The following CDH13 variants were observed in gnomAD, a reference collection of about 807,000 sequenced individuals.
CDH13 encodes the protein cadherin 13, also known as cadherin-13.
CDH13 carries 24 observed loss-of-function variants against 63.8 expected under a neutral mutation model. The ratio of observed to expected loss-of-function variants is 0.38; its 90% CI spans 0.27 to 0.53. The LOEUF is 0.53. Ranked by LOEUF, CDH13 falls within the 20% of genes least tolerant of loss-of-function variation. The probability of loss-of-function intolerance (pLI) is 0.85; values close to 1 mark genes in which losing one functional copy is unlikely to be tolerated. For synonymous variants in CDH13, 503 were observed against 355.3 expected, an observed-to-expected ratio of 1.42 and a Z score of -4.67; for missense variants, 1,049 against 903.1, an observed-to-expected ratio of 1.16 and a Z score of -2.07.
chr16:83,068,084 G>A (rs1339723729), intron 3 of CDH13, among the ~76,000 whole-genome samples: 1 of 152,150 alleles, frequency 6.6e-6, no homozygotes, highest in Non-Finnish European at 1.5e-5. Context: ...GGAGGACTTG[G>A]CAAAACAAGG....
At chr16:82,790,213 G>C (rs972896405) in intron 1 of CDH13, among the ~76,000 whole-genome samples, 4 of 152,126 alleles carry the variant, frequency 2.6e-5, no homozygotes, top group African/African-American at 9.7e-5. Context: ...GAGGCAGGCA[G>C]ATCATGAGGT....
chr16:82,713,626 G>A (rs990413149), intron 1 of CDH13, among the ~76,000 whole-genome samples: 1 of 152,040 alleles, frequency 6.6e-6, no homozygotes, highest in Non-Finnish European at 1.5e-5. Flanking sequence ...CTTGTACATA[G>A]AATATTGTCT....
chr16:83,630,580 G>A (rs1365923442), intron 8 of CDH13, among the ~76,000 whole-genome samples: 1 of 152,148 alleles, frequency 6.6e-6, no homozygotes, highest in African/African-American at 2.4e-5. Context: ...AGTCACTTAT[G>A]TCTTAGTCTA....
chr16:83,021,631 C>G (rs561064902), intron 2 of CDH13, among the ~76,000 whole-genome samples: 8 of 152,318 alleles, frequency 5.3e-5, no homozygotes, highest in Middle Eastern at 6.8e-3. Context: ...CTTCTGCTGA[C>G]ATGATAGAAT....
chr16:83,099,077 C>A (rs2034345796), intron 3 of CDH13, among the ~76,000 whole-genome samples: 1 of 151,988 alleles, frequency 6.6e-6, no homozygotes, highest in African/African-American at 2.4e-5. Context: ...TATGCACATA[C>A]ACACCCACAC....
chr16:82,695,937 A>G (rs577047884), intron 1 of CDH13, among the ~76,000 whole-genome samples: 1 of 152,312 alleles, frequency 6.6e-6, no homozygotes, highest in South Asian at 2.1e-4. Context: ...CAAATCTACT[A>G]GCCTGCCAAA....
intron 6 of CDH13, among the ~76,000 whole-genome samples, chr16:83,434,446 G>C (rs190451438): frequency 3.9e-5 from 6 of 152,140 alleles, no homozygotes; most frequent in Non-Finnish European, 4.4e-5. Context: ...CTCTGGCGTG[G>C]TCCAGCCCTG....
intron 7 of CDH13, among the ~76,000 whole-genome samples, chr16:83,583,430 A>T (rs1159994317): frequency 1.3e-5 from 2 of 152,236 alleles, no homozygotes; most frequent in African/African-American, 4.8e-5. Context: ...TTTAAAGCTC[A>T]TATCTCTGTC....
At chr16:82,693,791 T>C (rs974440183) in intron 1 of CDH13, among the ~76,000 whole-genome samples, 4 of 152,228 alleles carry the variant, frequency 2.6e-5, no homozygotes, top group African/African-American at 9.6e-5. Context: ...GGTATTTATT[T>C]TGCATTATTG....
chr16:83,097,130 A>G (rs2034246052), intron 3 of CDH13, among the ~76,000 whole-genome samples: 1 of 152,198 alleles, frequency 6.6e-6, no homozygotes, highest in African/African-American at 2.4e-5. Context: ...ACAAAATTTG[A>G]TATCACCATA....
intron 1 of CDH13, among the ~76,000 whole-genome samples, chr16:82,832,259 A>G (rs2038575490): frequency 6.6e-6 from 1 of 152,154 alleles, no homozygotes; most frequent in Middle Eastern, 3.4e-3. Flanking sequence ...TACTTTATAA[A>G]TGGCAGAATA....
intron 5 of CDH13, among the ~76,000 whole-genome samples, chr16:83,338,219 A>G (rs1218888692): frequency 1.3e-5 from 2 of 151,470 alleles, no homozygotes; most frequent in Non-Finnish European, 1.5e-5. Flanking sequence ...AATCAGTTTA[A>G]TGTACTCTGA....
chr16:83,275,691 T>G (rs552699022), intron 5 of CDH13, among the ~76,000 whole-genome samples: 73 of 152,270 alleles, frequency 4.8e-4, no homozygotes, highest in African/African-American at 1.7e-3. Context: ...GCTTTGTCAC[T>G]TGTGACTACA....
intron 1 of CDH13, among the ~76,000 whole-genome samples, chr16:82,820,770 G>T (rs2037966465): frequency 6.6e-6 from 1 of 152,138 alleles, no homozygotes; most frequent in African/African-American, 2.4e-5. Flanking sequence ...CTTTATTAAG[G>T]ATTATACATT....
intron 7 of CDH13, among the ~76,000 whole-genome samples, chr16:83,487,238 C>T (rs2073910325): frequency 6.6e-6 from 1 of 152,220 alleles, no homozygotes; most frequent in Non-Finnish European, 1.5e-5. Flanking sequence ...CACATGCCTG[C>T]TCTTTCGTTT....
chr16:83,711,361 T>C (rs1908019905), intron 10 of CDH13, among the ~76,000 whole-genome samples: 1 of 152,106 alleles, frequency 6.6e-6, no homozygotes, highest in Non-Finnish European at 1.5e-5. Context: ...GATGACATAG[T>C]AGGAATTGGT....
chr16:83,317,454 T>C (rs2090131618), intron 5 of CDH13, among the ~76,000 whole-genome samples: 1 of 152,138 alleles, frequency 6.6e-6, no homozygotes, highest in South Asian at 2.1e-4. Context: ...ATCTAAAGTC[T>C]TTCTGGTTGG....
intron 6 of CDH13, among the ~76,000 whole-genome samples, chr16:83,376,515 G>T (rs1414932267): frequency 2.0e-5 from 3 of 152,136 alleles, no homozygotes; most frequent in African/African-American, 4.8e-5. Flanking sequence ...GATGAGTTTT[G>T]AGTAAAAACG....
chr16:83,216,759 G>T (rs1006094485), intron 4 of CDH13, among the ~76,000 whole-genome samples: 1 of 147,394 alleles, frequency 6.8e-6, no homozygotes, highest in Non-Finnish European at 1.5e-5. Flanking sequence ...TAATATTTAG[G>T]GGTTATATAC....
Sources: gnomAD v4.1 joint callset for allele counts (sites outside exome capture counted in the v4.1 genomes callset) on GRCh38, gnomAD v4.1.1 for gene constraint, MANE v1.5 for transcripts, NCBI Gene and HGNC (gene_info 2026-07-23, HGNC 2026-07-21) for gene names.